SLC24A2: variants seen among roughly 807,000 people sequenced by gnomAD.
The protein encoded by SLC24A2 is sodium/potassium/calcium exchanger 2.
Under a neutral mutation model 62.0 loss-of-function variants are expected in SLC24A2, and 36 were observed. That is an observed-to-expected ratio of 0.58 (90% CI 0.44 to 0.77). The LOEUF (loss-of-function observed/expected upper bound fraction) is 0.77, where lower values mean the gene tolerates loss of function less well. Ranked by LOEUF, SLC24A2 falls within the 30% of genes least tolerant of loss-of-function variation. The pLI, the probability that SLC24A2 is intolerant of heterozygous loss-of-function variation, is 0.00. For synonymous variants in SLC24A2, 358 were observed against 294.0 expected, an observed-to-expected ratio of 1.22 and a Z score of -2.23; for missense variants, 846 against 817.9, an observed-to-expected ratio of 1.03 and a Z score of -0.42.
At chr9:19,751,266 A>G (rs1396972796) in intron 2 of SLC24A2, among the ~76,000 whole-genome samples, 1 of 152,170 alleles carries the variant, frequency 6.6e-6, no homozygotes, top group African/African-American at 2.4e-5. Context: ...CAACAACCCT[A>G]GGAGGCCAGA....
the SLC24A2 span, among the ~76,000 whole-genome samples, chr9:20,026,064 C>T: frequency 6.6e-6 from 1 of 152,140 alleles, no homozygotes; most frequent in African/African-American, 2.4e-5. Context: ...AACTAGGTGG[C>T]ATTGGTCAAA....
the SLC24A2 span, among the ~76,000 whole-genome samples, chr9:20,273,586 C>CTA: frequency 6.6e-6 from 1 of 152,180 alleles, no homozygotes; most frequent in Non-Finnish European, 1.5e-5. Context: ...CAAGCTCTCT[C>CTA]TTTGCCTGCT....
intron 2 of SLC24A2, among the ~76,000 whole-genome samples, chr9:19,687,692 G>A (rs1463378099): frequency 6.6e-6 from 1 of 152,022 alleles, no homozygotes; most frequent in African/African-American, 2.4e-5. Context: ...CTTGCTCTCT[G>A]GCTTTGACCT....
intron 8 of SLC24A2, among the ~76,000 whole-genome samples, chr9:19,532,295 T>A (rs1316004824): frequency 6.6e-6 from 1 of 152,022 alleles, no homozygotes; most frequent in African/African-American, 2.4e-5. Context: ...AGGGTTTCTC[T>A]ATGTTGGTCA....
the SLC24A2 span, among the ~76,000 whole-genome samples, chr9:20,178,624 A>G: frequency 6.6e-6 from 1 of 152,124 alleles, no homozygotes; most frequent in African/African-American, 2.4e-5. Context: ...CTAAATATGA[A>G]AAACTGCTGA....
chr9:20,276,801 C>A, the SLC24A2 span, among the ~76,000 whole-genome samples: 2 of 152,226 alleles, frequency 1.3e-5, no homozygotes, highest in Non-Finnish European at 1.5e-5. Flanking sequence ...GTGGGCCCAA[C>A]ACCATGTGTA....
intron 8 of SLC24A2, among the ~76,000 whole-genome samples, chr9:19,542,768 G>C (rs1169501149): frequency 6.6e-6 from 1 of 152,166 alleles, no homozygotes; most frequent in Non-Finnish European, 1.5e-5. Context: ...AACCAGCCTT[G>C]CATCCCAGGG....
chr9:20,306,528 C>A, the SLC24A2 span, among the ~76,000 whole-genome samples: 8,694 of 152,292 alleles, frequency 0.057, 787 homozygotes, highest in African/African-American at 0.19. Context: ...CCTGGGGCTA[C>A]TATCCACCTC....
intron 2 of SLC24A2, among the ~76,000 whole-genome samples, chr9:19,627,653 G>C (rs937815777): frequency 6.6e-6 from 1 of 152,118 alleles, no homozygotes; most frequent in Non-Finnish European, 1.5e-5. Context: ...AGCCTCCCAA[G>C]TAGTTGGGTC....
At chr9:19,734,391 ACTT>A (rs1431290542) in intron 2 of SLC24A2, among the ~76,000 whole-genome samples, 7 of 152,080 alleles carry the variant, frequency 4.6e-5, no homozygotes, top group African/African-American at 1.7e-4. Flanking sequence ...TTCCATATGA[ACTT>A]TAAAGTAGTT....
chr9:20,084,585 T>C, the SLC24A2 span, among the ~76,000 whole-genome samples: 315 of 144,244 alleles, frequency 2.2e-3, 3 homozygotes, highest in Admixed American at 6.1e-3. Context: ...CAGTGAACTC[T>C]CCAGAGTGAG....
chr9:19,701,080 T>G (rs1192188006), intron 2 of SLC24A2, among the ~76,000 whole-genome samples: 2 of 152,190 alleles, frequency 1.3e-5, no homozygotes, highest in African/African-American at 4.8e-5. Context: ...TGGTCTACCT[T>G]GTATAAGAAT....
intron 2 of SLC24A2, among the ~76,000 whole-genome samples, chr9:19,733,798 T>C (rs969978648): frequency 1.3e-5 from 2 of 152,164 alleles, no homozygotes; most frequent in African/African-American, 2.4e-5. Flanking sequence ...TTAACATATA[T>C]TTATTGAGTG....
At chr9:20,246,287 T>C in the SLC24A2 span, among the ~76,000 whole-genome samples, 1 of 152,214 alleles carries the variant, frequency 6.6e-6, no homozygotes, top group South Asian at 2.1e-4. Flanking sequence ...GTGAAACATA[T>C]GTACATGAAA....
At chr9:20,016,935 A>G in the SLC24A2 span, among the ~76,000 whole-genome samples, 1 of 152,240 alleles carries the variant, frequency 6.6e-6, no homozygotes, top group Non-Finnish European at 1.5e-5. Context: ...ATTTAAGGAA[A>G]CAAACACTAT....
At chr9:19,901,748 T>C in the SLC24A2 span, among the ~76,000 whole-genome samples, 33 of 152,220 alleles carry the variant, frequency 2.2e-4, no homozygotes, top group Non-Finnish European at 4.0e-4. Flanking sequence ...TCTCTAAAAC[T>C]GGCCAGAACT....
chr9:19,634,151 T>C (rs1818249051), intron 2 of SLC24A2, among the ~76,000 whole-genome samples: 1 of 152,078 alleles, frequency 6.6e-6, no homozygotes, highest in Admixed American at 6.6e-5. Context: ...CCTCAATGGA[T>C]GCAAATATAC....
chr9:20,140,209 C>A, the SLC24A2 span, among the ~76,000 whole-genome samples: 1 of 152,200 alleles, frequency 6.6e-6, no homozygotes, highest in Non-Finnish European at 1.5e-5. Flanking sequence ...TGCTACATTT[C>A]CAGCTACTGA....
chr9:19,540,520 G>T (rs1339681172), intron 8 of SLC24A2, among the ~76,000 whole-genome samples: 1 of 151,128 alleles, frequency 6.6e-6, no homozygotes, highest in Non-Finnish European at 1.5e-5. Flanking sequence ...CTTTAAGAAT[G>T]TTGAATATTG....
Sources: allele counts gnomAD v4.1 joint callset (sites outside exome capture counted in the v4.1 genomes callset), GRCh38; gene constraint gnomAD v4.1.1; transcripts MANE v1.5; gene names NCBI Gene and HGNC (gene_info 2026-07-23, HGNC 2026-07-21).